The following PAQR5 variants were observed in gnomAD, a reference collection of about 807,000 sequenced individuals.
The protein encoded by PAQR5 is progestin and adipoQ receptor family member 5.
A neutral mutation model predicts 34.5 loss-of-function variants in PAQR5; 20 were observed. That is an observed-to-expected ratio of 0.58 (90% confidence interval 0.41 to 0.84). The LOEUF is 0.84. Among genes scored for constraint, PAQR5 ranks in the 40% least tolerant of loss-of-function variants. PAQR5 has a pLI of 0.00. For missense variants in PAQR5, 378 were observed against 412.7 expected, an observed-to-expected ratio of 0.92 and a Z score of 0.73; for synonymous variants, 131 against 155.6, an observed-to-expected ratio of 0.84 and a Z score of 1.18.
At chr15:69,376,444 G>T (rs922959902) in intron 3 of PAQR5, among the ~76,000 whole-genome samples, 1 of 152,170 alleles carries the variant, frequency 6.6e-6, no homozygotes, top group African/African-American at 2.4e-5. Flanking sequence ...TCTTTCCTGT[G>T]CTCACAGGAG....
At chr15:69,335,476 C>T (rs1461531148) in intron 1 of PAQR5, among the ~76,000 whole-genome samples, 1 of 150,888 alleles carries the variant, frequency 6.6e-6, no homozygotes, top group African/African-American at 2.4e-5. Flanking sequence ...AACTCCCCAC[C>T]TCAGGTGATC....
chr15:69,367,387 C>A (rs905421417), intron 3 of PAQR5, among the ~76,000 whole-genome samples: 27 of 152,110 alleles, frequency 1.8e-4, no homozygotes, highest in African/African-American at 6.5e-4. Context: ...ACATGAATAG[C>A]TGTACTAGAC....
chr15:69,357,343 A>C (rs949557368), intron 2 of PAQR5, among the ~76,000 whole-genome samples: 2 of 152,074 alleles, frequency 1.3e-5, no homozygotes, highest in African/African-American at 4.8e-5. Flanking sequence ...GGCTCACTGC[A>C]ACCTCCACCT....
chr15:69,341,353 C>CTTTTTT (rs370642387), intron 2 of PAQR5, among the ~76,000 whole-genome samples: 7 of 117,696 alleles, frequency 5.9e-5, no homozygotes, highest in East Asian at 2.5e-4. Flanking sequence ...AATTCTATTC[C>CTTTTTT]TTTTTTTTTT....
rs776808746 is a variant in PAQR5 at position 69,397,091 on chromosome 15, G to A, written c.513-377G>A. The A allele has an allele frequency of 6.8e-6, 3 of 440,438 alleles. 1 individual carries two copies. The highest frequency in any genetic ancestry group is 5.0e-5 in the South Asian group (3 of 60,328). The allele number at this position is 440,438 out of a possible 1,614,324, so 27.3% of individuals were successfully genotyped here. On this transcript the variant is annotated intron_variant, in intron 6 of 8. Transcript: ENST00000395407. The stretch of plus-strand genomic sequence containing the variant: ...GTGTGCCCCCCAAGAGTCTGTGGCA[G>A]TGGATCCCCCGATTCCCCCTACCCG...
chr15:69,342,703 C>T (rs1044569947), intron 2 of PAQR5, among the ~76,000 whole-genome samples: 1 of 152,188 alleles, frequency 6.6e-6, no homozygotes, highest in African/African-American at 2.4e-5. Context: ...TCATTCACCT[C>T]CTGGGCTCTG....
At chr15:69,310,456 T>G (rs1031606648) in intron 1 of PAQR5, among the ~76,000 whole-genome samples, 1 of 152,230 alleles carries the variant, frequency 6.6e-6, no homozygotes, top group Admixed American at 6.5e-5. Context: ...AAAAAATGAT[T>G]TATTGATATA....
At chr15:69,341,469 A>T (rs1428878074) in intron 2 of PAQR5, among the ~76,000 whole-genome samples, 2 of 143,474 alleles carry the variant, frequency 1.4e-5, no homozygotes, top group Non-Finnish European at 3.0e-5. Flanking sequence ...TAGTCCCCCC[A>T]CCTCAGCCTC....
chr15:69,404,649 T>C lies in PAQR5; in HGVS notation c.*827T>C, dbSNP rs1446944607. 3 of 286,012 alleles carry C rather than the reference T, an allele frequency of 1.0e-5. No homozygotes were observed. Among genetic ancestry groups the C allele is most frequent in the South Asian group, 1.7e-4 (1 of 6,006 alleles). 17.7% of individuals were successfully genotyped at this position (286,012 alleles called of 1,614,324 possible). On this transcript the variant is annotated 3_prime_UTR_variant, in exon 9 of 9. Transcript: ENST00000395407. ...GCTCATATGCCACCTTTTAAACCAA[T>C]GGAAATTGCTATATTTGGGGATGTC...
chr15:69,378,221 C>A (rs2055764069), intron 3 of PAQR5, among the ~76,000 whole-genome samples: 1 of 122,138 alleles, frequency 8.2e-6, no homozygotes, highest in Admixed American at 1.1e-4. Context: ...GCCAAGATAA[C>A]AACACTGCAC....
chr15:69,330,173 T>C (rs2054347361), intron 1 of PAQR5, among the ~76,000 whole-genome samples: 1 of 152,172 alleles, frequency 6.6e-6, no homozygotes, highest in South Asian at 2.1e-4. Context: ...GGGTACTTGT[T>C]ACAATACACC....
intron 3 of PAQR5, among the ~76,000 whole-genome samples, chr15:69,370,309 G>C (rs1414855553): frequency 2.0e-5 from 3 of 152,148 alleles, no homozygotes; most frequent in Non-Finnish European, 2.9e-5. Flanking sequence ...TTTGTAAAAT[G>C]GGTCGACAGT....
chr15:69,331,756 G>T (rs188393690), intron 1 of PAQR5, among the ~76,000 whole-genome samples: 4 of 152,322 alleles, frequency 2.6e-5, no homozygotes, highest in African/African-American at 9.6e-5. Flanking sequence ...AGCTTTACCA[G>T]ACTTATATTG....
In PAQR5 at chr15:69,370,645, G is replaced by A. The variant is rs180980318; in HGVS notation, c.52-9238G>A. Among the ~76,000 whole-genome samples the A allele has an allele frequency of 3.3e-4, 50 of 152,144 alleles. No homozygotes were observed. The East Asian group carries it at 4.6e-3, about 14-fold the overall frequency. ...AGCGATTCTCCTGCCTCAGCCTCCC[G>A]AGTAGCTGGGATTACAGGCACCTGC... On this transcript the variant is annotated intron_variant, in intron 3 of 8. Transcript: ENST00000395407.
At chr15:69,386,907 G>A (rs1040073757) in intron 5 of PAQR5, among the ~76,000 whole-genome samples, 33 of 151,990 alleles carry the variant, frequency 2.2e-4, no homozygotes, top group Admixed American at 2.6e-4. Context: ...TGATGGTCGC[G>A]CCCCTACTCC....
intron 2 of PAQR5, among the ~76,000 whole-genome samples, chr15:69,350,691 C>T (rs1055893430): frequency 6.7e-6 from 1 of 150,264 alleles, no homozygotes; most frequent in East Asian, 1.9e-4. Flanking sequence ...ACACACAAAA[C>T]AAACAAAAAA....
At chr15:69,362,825 G>A (rs67547727) in intron 3 of PAQR5, among the ~76,000 whole-genome samples, 14,661 of 152,058 alleles carry the variant, frequency 0.096, 1,164 homozygotes, top group African/African-American at 0.21. Context: ...CTCGAACCCC[G>A]GCTCCCTCGC....
chr15:69,400,146 C>A (rs1340456129), intron 8 of PAQR5, 31 bp downstream of exon 8: 1 of 1,595,490 alleles, frequency 6.3e-7, no homozygotes, highest in Admixed American at 1.7e-5. Context: ...CTGCTCTGCT[C>A]ATTGCCCTCC....
intron 1 of PAQR5, among the ~76,000 whole-genome samples, chr15:69,320,828 G>A (rs1300452382): frequency 1.3e-5 from 2 of 152,222 alleles, no homozygotes; most frequent in African/African-American, 4.8e-5. Context: ...ATCAAAGGAT[G>A]TTGGCAATAT....
Sources: allele counts gnomAD v4.1 joint callset (sites outside exome capture counted in the v4.1 genomes callset), GRCh38; gene constraint gnomAD v4.1.1; transcripts MANE v1.5; gene names NCBI Gene and HGNC (gene_info 2026-07-23, HGNC 2026-07-21).